The following NLRP1 variants were observed in gnomAD, a reference collection of about 807,000 sequenced individuals.
The protein encoded by NLRP1 is NACHT, LRR and PYD domains-containing protein 1.
A neutral mutation model predicts 136.7 loss-of-function variants in NLRP1; 94 were observed. That is an observed-to-expected ratio of 0.69 (90% CI 0.58 to 0.82). NLRP1 has a LOEUF of 0.82. Ranked by LOEUF, NLRP1 falls within the 40% of genes least tolerant of loss-of-function variation. NLRP1 has a pLI of 0.00. For missense variants in NLRP1, 1,575 were observed against 1,802.7 expected, an observed-to-expected ratio of 0.87 and a Z score of 2.29; for synonymous variants, 690 against 725.1, an observed-to-expected ratio of 0.95 and a Z score of 0.78.
At chr17:5,547,525 C>A (rs544790042) in intron 5 of NLRP1, among the ~76,000 whole-genome samples, 4 of 152,306 alleles carry the variant, frequency 2.6e-5, no homozygotes, top group Admixed American at 2.6e-4. Context: ...CCCTGCTCTG[C>A]CATTTTTGCA....
At chr17:5,555,017 TCACACACACA>T (rs55705436) in intron 4 of NLRP1, among the ~76,000 whole-genome samples, 103 of 142,400 alleles carry the variant, frequency 7.2e-4, no homozygotes, top group South Asian at 4.4e-3. Context: ...TGAGATCCCA[TCACACACACA>T]CACACACACA....
At chr17:5,556,210 G>C (rs974760183) in intron 4 of NLRP1, among the ~76,000 whole-genome samples, 1 of 151,994 alleles carries the variant, frequency 6.6e-6, no homozygotes, top group African/African-American at 2.4e-5. Context: ...AGCACTTTGG[G>C]AGGTCAAGGT....
At chr17:5,571,463 T>G (rs941052489) in intron 3 of NLRP1, among the ~76,000 whole-genome samples, 1 of 152,130 alleles carries the variant, frequency 6.6e-6, no homozygotes, top group Admixed American at 6.5e-5. Flanking sequence ...TATGTAACAT[T>G]GTGCAATAAG....
rs1908823339 is a variant in NLRP1, at chr17:5,520,971, G to A, written c.3825C>T (p.Ile1275=). The A allele has an allele frequency of 6.2e-7, 1 of 1,612,224 alleles. No individual in the cohort carries two copies. Among genetic ancestry groups the A allele is most frequent in the Non-Finnish European group, 8.5e-7 (1 of 1,179,086 alleles). Residue 1275 remains isoleucine (I), a synonymous_variant, in exon 14 of 17, where the codon ATC becomes ATT. Coordinates refer to ENST00000572272, the MANE Select transcript of NLRP1 (RefSeq NM_033004.4). ...DLEMKFQFVR[I]HKPPPLTPLY... ...GTGGGGTCAGCGGGGGTGGCTTGTGGATTCGCACAAACTGGAATTTCATTT... is the reference window on the plus strand; with the variant it reads ...GTGGGGTCAGCGGGGGTGGCTTGTGAATTCGCACAAACTGGAATTTCATTT...
chr17:5,534,899 C>A (rs573672355), intron 8 of NLRP1, among the ~76,000 whole-genome samples: 8 of 152,166 alleles, frequency 5.3e-5, no homozygotes, highest in Admixed American at 3.3e-4. Context: ...TCAAACTGTG[C>A]GCTTAACAAT....
At chr17:5,532,181 A>G (rs1396919905) in intron 11 of NLRP1, among the ~76,000 whole-genome samples, 1 of 152,186 alleles carries the variant, frequency 6.6e-6, no homozygotes, top group East Asian at 1.9e-4. Flanking sequence ...TGGGAGGTGG[A>G]GGTTGAGGTA....
chr17:5,584,225 G>A lies in NLRP1; in HGVS notation c.-268C>T, dbSNP rs1906036642. On this transcript the variant is annotated 5_prime_UTR_variant, in exon 1 of 17. Coordinates refer to ENST00000572272, the MANE Select transcript of NLRP1 (RefSeq NM_033004.4). ...AGGGAGGTCCTGGGATGGGGTCCAG[G>A]GCCAGGCAGGGAGGGTGAGGGTGAG... The A allele has an allele frequency of 3.7e-6, 2 of 540,506 alleles. No homozygotes were observed. The highest frequency in any genetic ancestry group is 6.7e-6 in the Non-Finnish European group (2 of 300,676). 33.5% of individuals were successfully genotyped at this position (540,506 alleles called of 1,614,324 possible).
chr17:5,521,021 C>A lies in NLRP1; in HGVS notation c.3784-9G>T, dbSNP rs1267617013. The A allele has an allele frequency of 6.3e-7, 1 of 1,593,044 alleles. No homozygotes were observed. ...TCTAGATCATCTATGGCCTACAGAA[C>A]ATAGGGAACAATGATTAAGGGAGGC... is the stretch of plus-strand genomic sequence containing the variant. On this transcript the variant is annotated splice_polypyrimidine_tract_variant and intron_variant, in intron 13 of 16. Coordinates refer to ENST00000572272, the MANE Select transcript of NLRP1 (RefSeq NM_033004.4).
At chr17:5,551,192 C>G (rs1179165563) in intron 5 of NLRP1, among the ~76,000 whole-genome samples, 2 of 152,132 alleles carry the variant, frequency 1.3e-5, no homozygotes, top group African/African-American at 4.8e-5. Context: ...CTATTAATTC[C>G]TCCCTTCCCC....
At chr17:5,538,559 C>CCTTT (rs1911403044) in intron 7 of NLRP1, among the ~76,000 whole-genome samples, 1 of 152,172 alleles carries the variant, frequency 6.6e-6, no homozygotes, top group South Asian at 2.1e-4. Flanking sequence ...CCTGTACTTT[C>CCTTT]CTTTCACTCC....
chr17:5,520,860 G>C (rs1473531266), intron 14 of NLRP1, 21 bp downstream of exon 14: 2 of 1,548,628 alleles, frequency 1.3e-6, no homozygotes, highest in Admixed American at 3.7e-5. Context: ...GCAGTGAAGA[G>C]GCAGACACTG....
Position 5,536,445 on chromosome 17 carries a change from CTT to C in NLRP1, c.2960+404_2960+405del, listed in dbSNP as rs773821415. Among the ~76,000 whole-genome samples, 20 of 77,790 alleles carry C rather than the reference CTT, an allele frequency of 2.6e-4. No homozygotes were observed. In the South Asian group the frequency reaches 3.3e-3, roughly 13 times the overall value. 51.0% of individuals were successfully genotyped at this position (77,790 alleles called of 152,430 possible). A position where few individuals can be genotyped will look rare whatever the true frequency, so the allele number is the denominator to read the frequency against. On this transcript the variant is annotated intron_variant, in intron 8 of 16. Transcript: ENST00000572272. ...TACAGGCGTGAGCCACCATGCCCGGCTTTTTTTTTTTTTTTTTTTTTTTGAGA... is the reference window on the plus strand; with the variant it reads ...TACAGGCGTGAGCCACCATGCCCGGCTTTTTTTTTTTTTTTTTTTTTGAGA...
In NLRP1 at chr17:5,541,793, C is replaced by T; in HGVS notation, c.2699+64G>A. On this transcript the variant is annotated intron_variant, in intron 6 of 16. Coordinates refer to ENST00000572272, the MANE Select transcript of NLRP1 (RefSeq NM_033004.4). The surrounding 1 kb of genome is among the most constrained non-coding windows in gnomAD (Gnocchi z 4.2). ...GTCTCACCTTCTCTCTGCTCTTACC[C>T]TCTGCCTGCCTCATGGTGGCAGGCA... 1.3e-6 allele frequency: 2 copies of T among 1,541,228 alleles called. No homozygotes were observed. The highest frequency in any genetic ancestry group is 2.2e-5 in the South Asian group (2 of 89,098).
chr17:5,518,367 T>C (rs2151737324), intron 14 of NLRP1: 1 of 154,796 alleles, frequency 6.5e-6, no homozygotes, highest in South Asian at 2.0e-4. Flanking sequence ...CCACTGAGCA[T>C]GCAGGCTCCA....
chr17:5,550,934 C>T (rs972360040), intron 5 of NLRP1, among the ~76,000 whole-genome samples: 7 of 152,104 alleles, frequency 4.6e-5, no homozygotes, highest in Non-Finnish European at 5.9e-5. Context: ...TTCCCATATA[C>T]TCCCTGTCCC....
intron 15 of NLRP1, chr17:5,503,828 A>C (rs1907206872): frequency 7.2e-6 from 1 of 138,718 alleles, no homozygotes; most frequent in Admixed American, 6.8e-5. Context: ...TGGAGCCAGA[A>C]TCCACCAAAA....
At chr17:5,543,216 A>G (rs768452362) in intron 5 of NLRP1, among the ~76,000 whole-genome samples, 3 of 152,100 alleles carry the variant, frequency 2.0e-5, no homozygotes, top group Non-Finnish European at 4.4e-5. Context: ...AAATAAATGA[A>G]TGAAATAGCC....
At chr17:5,555,568 A>T (rs947187890) in intron 4 of NLRP1, among the ~76,000 whole-genome samples, 1 of 151,920 alleles carries the variant, frequency 6.6e-6, no homozygotes, top group Non-Finnish European at 1.5e-5. Flanking sequence ...GCCAGCCACC[A>T]TCTGGTCTCT....
chr17:5,581,899 G>A lies in NLRP1; in HGVS notation c.612C>T (p.Thr204=), dbSNP rs1567674590. 1 of 1,613,332 alleles carries A rather than the reference G, an allele frequency of 6.2e-7. No homozygotes were observed. Among genetic ancestry groups the A allele is most frequent in the East Asian group, 2.2e-5 (1 of 44,850 alleles). Reference sequence around the variant, plus strand: ...CTGACGTTTCATCCAGAGGCCATTGGGTCCCAGGAGCCTCCTGCTCTCTGG... The same window carrying A: ...CTGACGTTTCATCCAGAGGCCATTGAGTCCCAGGAGCCTCCTGCTCTCTGG... ...LAPREQEAPG[T]QWPLDETSGI... Residue 204 remains threonine, a synonymous_variant, in exon 3 of 17, where the codon ACC becomes ACT. Coordinates refer to ENST00000572272, the MANE Select transcript of NLRP1 (RefSeq NM_033004.4).
Sources: allele counts gnomAD v4.1 joint callset (sites outside exome capture counted in the v4.1 genomes callset), GRCh38; gene constraint gnomAD v4.1.1; non-coding constraint Gnocchi (gnomAD v3.1); transcripts MANE v1.5; gene names NCBI Gene and HGNC (gene_info 2026-07-23, HGNC 2026-07-21).